ACACB: variants seen among roughly 807,000 people sequenced by gnomAD.
ACACB encodes the protein acetyl-CoA carboxylase 2.
ACACB carries 209 observed loss-of-function variants against 278.8 expected under a neutral mutation model. The observed-to-expected ratio is 0.75, with a 90% CI of 0.67 to 0.84. ACACB has a LOEUF of 0.84. ACACB is among the 40% of genes least tolerant of loss of function. The pLI is 0.00. For missense variants in ACACB, 2,850 were observed against 3,269.0 expected, an observed-to-expected ratio of 0.87 and a Z score of 3.13; for synonymous variants, 1,174 against 1,285.6, an observed-to-expected ratio of 0.91 and a Z score of 1.86.
intron 2 of ACACB, among the ~76,000 whole-genome samples, chr12:109,149,461 AG>A (rs2043318223): frequency 6.6e-6 from 1 of 152,016 alleles, no homozygotes; most frequent in Non-Finnish European, 1.5e-5. Flanking sequence ...ATGGCAGAAA[AG>A]TTTGTTAATT....
chr12:109,265,138 C>G lies in ACACB; in HGVS notation c.6971C>G (p.Thr2324Ser), dbSNP rs763182651. ...SDILEWKTARTFLYWRLRRLL... is the reference protein window; with the variant it reads ...SDILEWKTARSFLYWRLRRLL... Reference sequence around the variant, plus strand: ...ATCCTGGAGTGGAAGACCGCACGCACCTTCCTGTATTGGCGTCTGCGCCGC... The same window carrying G: ...ATCCTGGAGTGGAAGACCGCACGCAGCTTCCTGTATTGGCGTCTGCGCCGC... Residue 2324 changes from threonine (T) to serine (S), a missense_variant, in exon 51 of 53, where the codon ACC becomes AGC. This residue lies in a region of ACACB where 579 missense variants were observed against 684.6 expected (regional missense o/e 0.85). Transcript: ENST00000338432. 1.7e-5 allele frequency: 28 copies of G among 1,613,018 alleles called. No homozygotes were observed. In the African/African-American group the frequency reaches 3.7e-4, roughly 21 times the overall value.
rs756106649 is a variant in ACACB at position 109,197,088 on chromosome 12, TG to T, written c.2568del (p.Leu857SerfsTer14). ...IEIDAHRLND[G>X]GLLLSYNGNS... ...AGATTGATGCCCACCGGCTGAATGA[TG>T]GGGGGCTCCTGCTCTCCTACAATGG... On this transcript the variant is annotated frameshift_variant, in exon 17 of 53. Transcript: ENST00000338432. LOFTEE classifies it high-confidence loss of function. 2 of 1,600,974 alleles carry T rather than the reference TG, an allele frequency of 1.2e-6. No individual in the cohort carries two copies. The highest frequency in any genetic ancestry group is 2.3e-5 in the East Asian group (1 of 43,730).
intron 1 of ACACB, among the ~76,000 whole-genome samples, chr12:109,122,415 T>C (rs942153321): frequency 6.6e-6 from 1 of 151,434 alleles, no homozygotes; most frequent in African/African-American, 2.4e-5. Flanking sequence ...CTGTATAAAA[T>C]ATAAAAAGTT....
intron 9 of ACACB, 151 bp from the exon 10 acceptor site, chr12:109,178,937 G>C: frequency 1.3e-6 from 1 of 778,304 alleles, no homozygotes; most frequent in Non-Finnish European, 2.1e-6. Context: ...TATTATGTCT[G>C]TGAGACAACA....
At chr12:109,124,162 G>A (rs895105743) in intron 1 of ACACB, among the ~76,000 whole-genome samples, 1 of 152,096 alleles carries the variant, frequency 6.6e-6, no homozygotes, top group East Asian at 1.9e-4. Context: ...CATGCTGACT[G>A]TCCTCCAGGT....
At chr12:109,245,990 G>A (rs1219245335) in intron 38 of ACACB, among the ~76,000 whole-genome samples, 189 bp from the exon 39 acceptor site, 1 of 152,104 alleles carries the variant, frequency 6.6e-6, no homozygotes, top group Admixed American at 6.6e-5. Context: ...TCGAGAGACT[G>A]AGGCAGGAGT....
chr12:109,192,735 C>T (rs1440785730), intron 15 of ACACB, among the ~76,000 whole-genome samples: 1 of 152,088 alleles, frequency 6.6e-6, no homozygotes, highest in Non-Finnish European at 1.5e-5. Flanking sequence ...GATCACAGCT[C>T]ACTGCAGCCT....
intron 2 of ACACB, among the ~76,000 whole-genome samples, chr12:109,141,879 C>G (rs2043132656): frequency 6.6e-6 from 1 of 152,126 alleles, no homozygotes; most frequent in Non-Finnish European, 1.5e-5. Flanking sequence ...TCTGCCACCC[C>G]CTACTGTGTG....
rs1385308779 is a variant in ACACB, at chr12:109,258,252, G to T, written c.6264-16G>T. 2.5e-6 allele frequency: 4 copies of T among 1,606,740 alleles called. No individual in the cohort carries two copies. The highest frequency in any genetic ancestry group is 3.4e-6 in the Non-Finnish European group (4 of 1,176,696). On this transcript the variant is annotated splice_polypyrimidine_tract_variant and intron_variant, in intron 45 of 52. Transcript: ENST00000338432. ...GGTGCTGCCCAGGGCCTGGCTCACTGGTGCTCATTTTCCAGGCTTGGGGGG... is the reference window on the plus strand; with the variant it reads ...GGTGCTGCCCAGGGCCTGGCTCACTTGTGCTCATTTTCCAGGCTTGGGGGG...
chr12:109,183,662 T>C (rs889378558), intron 11 of ACACB, among the ~76,000 whole-genome samples: 1 of 152,234 alleles, frequency 6.6e-6, no homozygotes, highest in African/African-American at 2.4e-5. Context: ...AATTTGTCAA[T>C]TCGAATTGTT....
Position 109,119,899 on chromosome 12 carries a change from GA to G in ACACB, c.-10+3206del, listed in dbSNP as rs199929608. On this transcript the variant is annotated intron_variant, in intron 1 of 52. Transcript: ENST00000338432. ...GACAGAGCGAGACTCCATCTCAGAAGAAAAAAAAAAAGGATTAAAGGATTTT... is the reference window on the plus strand; with the variant it reads ...GACAGAGCGAGACTCCATCTCAGAAGAAAAAAAAAAGGATTAAAGGATTTT... Among the ~76,000 whole-genome samples, 248 of 140,992 alleles carry G rather than the reference GA, an allele frequency of 1.8e-3. No individual in the cohort carries two copies. The East Asian group carries it at 0.039, about 22-fold the overall frequency. 92.5% of individuals were successfully genotyped at this position (140,992 alleles called of 152,430 possible).
Position 109,191,961 on chromosome 12 carries a change from T to G in ACACB, c.2399+11T>G. ...ACACTCCCTGGAAAGGTAGGGGCTG[T>G]GGCAGTTCCCTTCTGCTTTTGTGAT... is the stretch of plus-strand genomic sequence containing the variant. On this transcript the variant is annotated intron_variant, in intron 15 of 52. Coordinates refer to ENST00000338432, the MANE Select transcript of ACACB (RefSeq NM_001093.4). 1 of 1,613,846 alleles carries G rather than the reference T, an allele frequency of 6.2e-7. No homozygotes were observed. The highest frequency in any genetic ancestry group is 8.5e-7 in the Non-Finnish European group (1 of 1,179,746).
At chr12:109,168,449 C>T (rs2043994712) in intron 4 of ACACB, among the ~76,000 whole-genome samples, 2 of 152,150 alleles carry the variant, frequency 1.3e-5, no homozygotes, top group African/African-American at 4.8e-5. Flanking sequence ...TTTATAGGCC[C>T]TACTCCCCAC....
intron 1 of ACACB, among the ~76,000 whole-genome samples, chr12:109,128,924 C>T (rs112987804): frequency 1.2e-4 from 18 of 151,890 alleles, no homozygotes; most frequent in African/African-American, 4.4e-4. Flanking sequence ...AGGCATGAGC[C>T]ACTGTGTCTG....
At chr12:109,197,203 G>A in intron 17 of ACACB, 50 bp downstream of exon 17, 1 of 1,563,208 alleles carries the variant, frequency 6.4e-7, no homozygotes, top group Non-Finnish European at 8.6e-7. Context: ...ACAGCTCTCT[G>A]TCCTAGGCAT....
intron 2 of ACACB, among the ~76,000 whole-genome samples, chr12:109,149,694 G>C (rs1356961173): frequency 6.6e-6 from 1 of 152,194 alleles, no homozygotes; most frequent in Non-Finnish European, 1.5e-5. Flanking sequence ...GGTAGGTGGG[G>C]AAGTCAAGGT....
intron 24 of ACACB, among the ~76,000 whole-genome samples, chr12:109,220,553 GTTGT>G (rs895184643): frequency 6.6e-6 from 1 of 151,978 alleles, no homozygotes; most frequent in South Asian, 2.1e-4. Flanking sequence ...TGTTGTTGTT[GTTGT>G]TTGTTTGTTT....
In ACACB at chr12:109,175,904, G is replaced by A. The variant is rs2044267282; in HGVS notation, c.1217-27G>A. 3 of 1,599,270 alleles carry A rather than the reference G, an allele frequency of 1.9e-6. No homozygotes were observed. The African/African-American group carries it at 4.0e-5, about 21-fold the overall frequency. ...TGTGTGTTTCTCCTGGATTTGGGAGGAATCAGGTTTCTTTGTGACTCTCCA... is the reference window on the plus strand; with the variant it reads ...TGTGTGTTTCTCCTGGATTTGGGAGAAATCAGGTTTCTTTGTGACTCTCCA... On this transcript the variant is annotated intron_variant, in intron 7 of 52. Transcript: ENST00000338432.
intron 44 of ACACB, 23 bp downstream of exon 44, chr12:109,254,357 T>C (rs373438720): frequency 7.5e-6 from 12 of 1,599,822 alleles, no homozygotes; most frequent in Middle Eastern, 1.7e-4. Context: ...GTATTTTGCC[T>C]AGGACCTGGT....
Sources: gnomAD v4.1 joint callset for allele counts (sites outside exome capture counted in the v4.1 genomes callset) on GRCh38, gnomAD v4.1.1 for gene constraint, gnomAD v4.1.1 regional missense constraint, MANE v1.5 for transcripts, NCBI Gene and HGNC (gene_info 2026-07-23, HGNC 2026-07-21) for gene names.